NBEA: variants seen among roughly 807,000 people sequenced by gnomAD.
NBEA encodes neurobeachin.
Under a neutral mutation model 343.4 loss-of-function variants are expected in NBEA, and 44 were observed. The observed-to-expected ratio is 0.13, with a 90% CI of 0.10 to 0.16. NBEA has a LOEUF of 0.16. NBEA is among the 10% of genes least tolerant of loss of function. The pLI is 1.00. For missense variants in NBEA, 2,555 were observed against 3,631.3 expected (o/e 0.70, Z 7.62); for synonymous variants, 1,175 against 1,238.7 (o/e 0.95, Z 1.08).
intron 40 of NBEA, among the ~76,000 whole-genome samples, chr13:35,471,947 C>T (rs1437044354): frequency 6.6e-6 from 1 of 152,164 alleles, no homozygotes; most frequent in Non-Finnish European, 1.5e-5. Flanking sequence ...TCCTTGCCCC[C>T]TTCTCGTCCT....
At chr13:35,110,173 A>G (rs547199551) in intron 12 of NBEA, among the ~76,000 whole-genome samples, 2 of 150,806 alleles carry the variant, frequency 1.3e-5, no homozygotes, top group African/African-American at 4.9e-5. Flanking sequence ...GTCATCTAGC[A>G]TTAGGTATAT....
At position 34,956,156 on chromosome 13, in the gene NBEA, C is replaced by T. The variant is rs111643683; in HGVS notation, c.294+13042C>T. Among the ~76,000 whole-genome samples the T allele has an allele frequency of 6.5e-3, 988 of 152,042 alleles. 11 individuals carry two copies. Among genetic ancestry groups the T allele is most frequent in the African/African-American group, 0.023 (945 of 41,494 alleles). On this transcript the variant is annotated intron_variant, in intron 1 of 58. Coordinates refer to ENST00000379939, the MANE Select transcript of NBEA (RefSeq NM_001385012.1). ...GAGACTCACTGGCAAAGAAAAAAGACGACTTTAATTTTGAGTATATTGTAA... is the reference window on the plus strand; with the variant it reads ...GAGACTCACTGGCAAAGAAAAAAGATGACTTTAATTTTGAGTATATTGTAA...
chr13:35,297,815 T>C (rs2036235645), intron 35 of NBEA, among the ~76,000 whole-genome samples: 1 of 151,990 alleles, frequency 6.6e-6, no homozygotes, highest in Admixed American at 6.6e-5. Flanking sequence ...GCTAAGGTGA[T>C]TTGTTATTTA....
chr13:35,538,993 C>T (rs2078684669), intron 41 of NBEA, among the ~76,000 whole-genome samples: 1 of 152,150 alleles, frequency 6.6e-6, no homozygotes, highest in Non-Finnish European at 1.5e-5. Context: ...TTTAATATAG[C>T]TGGTTTTAAT....
chr13:35,160,214 A>G (rs2069458947), intron 22 of NBEA, among the ~76,000 whole-genome samples, 182 bp downstream of exon 22: 1 of 152,184 alleles, frequency 6.6e-6, no homozygotes. Flanking sequence ...AAATATCTCA[A>G]TTATATTTCC....
chr13:35,271,175 G>A (rs1023683743), intron 34 of NBEA, among the ~76,000 whole-genome samples: 1 of 152,226 alleles, frequency 6.6e-6, no homozygotes, highest in Non-Finnish European at 1.5e-5. Context: ...AGCAGTATTT[G>A]CTGTTCTGCA....
At chr13:35,581,665 T>C (rs962016207) in intron 45 of NBEA, among the ~76,000 whole-genome samples, 6 of 136,802 alleles carry the variant, frequency 4.4e-5, no homozygotes, top group Non-Finnish European at 9.1e-5. Context: ...TTCTCACTCA[T>C]AGGTGGGAAT....
chr13:35,381,237 C>A (rs1413347536), intron 38 of NBEA, among the ~76,000 whole-genome samples: 1 of 151,998 alleles, frequency 6.6e-6, no homozygotes, highest in Non-Finnish European at 1.5e-5. Flanking sequence ...ATTAATATGT[C>A]ATTTGGGGGA....
chr13:35,201,430 C>A lies in NBEA; in HGVS notation c.5366+5128C>A, dbSNP rs149712557. Among the ~76,000 whole-genome samples the A allele has an allele frequency of 5.3e-3, 806 of 152,100 alleles. 10 individuals are homozygous for A. The highest frequency in any genetic ancestry group is 0.018 in the African/African-American group (752 of 41,520). ...TAACATCATGAGAGCATTCACCTTG[C>A]GATTTCTGATGAACTGAAGTAAATT... On this transcript the variant is annotated intron_variant, in intron 31 of 58. Transcript: ENST00000379939.
At chr13:35,624,774 T>C (rs933448688) in intron 48 of NBEA, among the ~76,000 whole-genome samples, 7 of 151,548 alleles carry the variant, frequency 4.6e-5, no homozygotes, top group Non-Finnish European at 7.4e-5. Flanking sequence ...ATTAAGATAA[T>C]AATAGAAATG....
intron 34 of NBEA, among the ~76,000 whole-genome samples, chr13:35,247,784 G>A (rs1352710812): frequency 6.6e-6 from 1 of 151,874 alleles, no homozygotes; most frequent in Non-Finnish European, 1.5e-5. Flanking sequence ...CTGCAATTTA[G>A]TCTTGCCTCC....
chr13:35,155,220 C>CCTA (rs888801803), intron 18 of NBEA, among the ~76,000 whole-genome samples: 4 of 150,430 alleles, frequency 2.7e-5, no homozygotes, highest in African/African-American at 9.8e-5. Context: ...TCATTAATTT[C>CCTA]CTAATCTTTC....
At chr13:34,964,414 T>G (rs2059755559) in intron 1 of NBEA, among the ~76,000 whole-genome samples, 1 of 151,798 alleles carries the variant, frequency 6.6e-6, no homozygotes, top group South Asian at 2.1e-4. Flanking sequence ...GTCTTTCTAG[T>G]GACATTTTAT....
chr13:35,331,380 T>C (rs1221440731), intron 36 of NBEA, among the ~76,000 whole-genome samples: 1 of 152,026 alleles, frequency 6.6e-6, no homozygotes, highest in Non-Finnish European at 1.5e-5. Context: ...ATACTCCCAT[T>C]CTCTGATGAC....
At chr13:35,400,513 A>T (rs945097218) in intron 38 of NBEA, among the ~76,000 whole-genome samples, 3 of 152,016 alleles carry the variant, frequency 2.0e-5, no homozygotes, top group Non-Finnish European at 2.9e-5. Flanking sequence ...AATTATATAT[A>T]TTTTTTGAGG....
chr13:35,384,343 G>A (rs896451251), intron 38 of NBEA, among the ~76,000 whole-genome samples: 16 of 152,022 alleles, frequency 1.1e-4, no homozygotes, highest in African/African-American at 3.6e-4. Context: ...GAGACATTAA[G>A]TAGAACCTTT....
intron 30 of NBEA, among the ~76,000 whole-genome samples, chr13:35,189,442 T>C (rs889495560): frequency 6.6e-6 from 1 of 152,114 alleles, no homozygotes; most frequent in African/African-American, 2.4e-5. Context: ...TAAACCTTTA[T>C]CAGATATATA....
intron 27 of NBEA, 109 bp downstream of exon 27, chr13:35,173,703 A>G: frequency 9.4e-7 from 1 of 1,064,596 alleles, no homozygotes; most frequent in Non-Finnish European, 1.3e-6. Context: ...GAGCAAGGAC[A>G]TTGTCATTAG....
At chr13:35,162,421 G>A (rs1343149429) in intron 23 of NBEA, among the ~76,000 whole-genome samples, 4 of 152,156 alleles carry the variant, frequency 2.6e-5, no homozygotes, top group Non-Finnish European at 5.9e-5. Flanking sequence ...TCTTAGAAAT[G>A]TTGGCTTCCA....
Sources: gnomAD v4.1 joint callset for allele counts (sites outside exome capture counted in the v4.1 genomes callset) on GRCh38, gnomAD v4.1.1 for gene constraint, MANE v1.5 for transcripts, NCBI Gene and HGNC (gene_info 2026-07-23, HGNC 2026-07-21) for gene names.